BAZ2B: variants seen among roughly 807,000 people sequenced by gnomAD.
BAZ2B encodes bromodomain adjacent to zinc finger domain 2B.
A neutral mutation model predicts 246.0 loss-of-function variants in BAZ2B; 91 were observed. That is an observed-to-expected ratio of 0.37 (90% CI 0.31 to 0.44). BAZ2B has a LOEUF of 0.44. Among genes scored for constraint, BAZ2B ranks in the 20% least tolerant of loss-of-function variants. The pLI, the probability that BAZ2B is intolerant of heterozygous loss-of-function variation, is 1.00. For missense variants in BAZ2B, 2,332 were observed against 2,533.7 expected (o/e 0.92, Z 1.71); for synonymous variants, 855 against 860.0 (o/e 0.99, Z 0.10).
At chr2:159,592,861 A>G (rs540375965) in intron 1 of BAZ2B, among the ~76,000 whole-genome samples, 1 of 152,308 alleles carries the variant, frequency 6.6e-6, no homozygotes, top group African/African-American at 2.4e-5. Flanking sequence ...TCCAATAACA[A>G]ATATGTTTTA....
At chr2:159,693,514 C>T in the BAZ2B span, 11 of 151,054 alleles carry the variant, frequency 7.3e-5, no homozygotes, top group East Asian at 2.1e-3. Flanking sequence ...GTCTCCACCT[C>T]CAAGGCTCAA....
chr2:159,686,343 G>A, the BAZ2B span, among the ~76,000 whole-genome samples: 1 of 152,132 alleles, frequency 6.6e-6, no homozygotes, highest in East Asian at 1.9e-4. Flanking sequence ...CATGTTGATA[G>A]CATCTACCCT....
intron 1 of BAZ2B, among the ~76,000 whole-genome samples, chr2:159,561,736 C>T (rs1392862138): frequency 1.3e-5 from 2 of 152,122 alleles, no homozygotes; most frequent in Non-Finnish European, 2.9e-5. Flanking sequence ...AAATTATTTT[C>T]TCCATTTTTT....
Position 159,386,615 on chromosome 2 carries a change from T to C in BAZ2B, c.3217-8A>G, listed in dbSNP as rs529799666. 6.3e-7 allele frequency: 1 copy of C among 1,577,958 alleles called. No homozygotes were observed. The highest frequency in any genetic ancestry group is 8.6e-7 in the Non-Finnish European group (1 of 1,165,808). ...AGGCAACTCTGGCAAAGGCTGAAAATAAAATGAAATACAAATAAAATAAAA... is the reference window on the plus strand; with the variant it reads ...AGGCAACTCTGGCAAAGGCTGAAAACAAAATGAAATACAAATAAAATAAAA... On this transcript the variant is annotated splice_region_variant and splice_polypyrimidine_tract_variant and intron_variant, in intron 21 of 36. Transcript: ENST00000392783.
chr2:159,649,831 A>G, the BAZ2B span, among the ~76,000 whole-genome samples: 1 of 152,140 alleles, frequency 6.6e-6, no homozygotes. Context: ...ATTATGCTAT[A>G]TTTATAGTTG....
chr2:159,564,309 G>T (rs1189663553), intron 1 of BAZ2B, among the ~76,000 whole-genome samples: 1 of 152,128 alleles, frequency 6.6e-6, no homozygotes, highest in Non-Finnish European at 1.5e-5. Context: ...AGACCACAGA[G>T]GGCCTGGAAA....
At chr2:159,607,106 C>T (rs1277079583) in intron 1 of BAZ2B, among the ~76,000 whole-genome samples, 11 of 152,060 alleles carry the variant, frequency 7.2e-5, no homozygotes, top group Non-Finnish European at 1.3e-4. Flanking sequence ...CTGCCTGTCT[C>T]GGCCTCCCAA....
chr2:159,533,102 G>A (rs2085545783), intron 2 of BAZ2B, among the ~76,000 whole-genome samples: 1 of 152,110 alleles, frequency 6.6e-6, no homozygotes, highest in African/African-American at 2.4e-5. Context: ...TGGTGGGAGT[G>A]AAAGGAAAAC....
chr2:159,538,399 T>G (rs1377840438), intron 2 of BAZ2B, among the ~76,000 whole-genome samples: 1 of 152,198 alleles, frequency 6.6e-6, no homozygotes, highest in African/African-American at 2.4e-5. Flanking sequence ...TACTCTGCAT[T>G]TATTTGTAAC....
At chr2:159,691,002 A>C in the BAZ2B span, among the ~76,000 whole-genome samples, 1 of 152,082 alleles carries the variant, frequency 6.6e-6, no homozygotes, top group Non-Finnish European at 1.5e-5. Flanking sequence ...CATTATGATG[A>C]TGACTTTAAG....
At chr2:159,600,517 A>G (rs1164574442) in intron 1 of BAZ2B, among the ~76,000 whole-genome samples, 1 of 152,230 alleles carries the variant, frequency 6.6e-6, no homozygotes, top group Non-Finnish European at 1.5e-5. Flanking sequence ...ATTTTTGTGG[A>G]TATGTGAAAA....
chr2:159,472,841 G>C (rs2077984555), intron 3 of BAZ2B, among the ~76,000 whole-genome samples: 1 of 152,180 alleles, frequency 6.6e-6, no homozygotes, highest in South Asian at 2.1e-4. Flanking sequence ...AAGCTGACTT[G>C]ATCGTGGTGG....
the BAZ2B span, among the ~76,000 whole-genome samples, chr2:159,649,268 T>C: frequency 3.3e-5 from 5 of 151,890 alleles, no homozygotes. Context: ...CCTGAGCTTG[T>C]TTTCCTGCAA....
intron 10 of BAZ2B, 87 bp from the exon 11 acceptor site, chr2:159,429,347 T>C (rs1241339610): frequency 1.5e-5 from 11 of 746,524 alleles, no homozygotes; most frequent in South Asian, 6.4e-5. Flanking sequence ...TTTAAAAAAG[T>C]ATATGTTAAT....
At chr2:159,444,243 A>C (rs1181758160) in intron 6 of BAZ2B, 1 of 152,128 alleles carries the variant, frequency 6.6e-6, no homozygotes, top group East Asian at 1.9e-4. Context: ...TATGACACTG[A>C]TACCTGTGTC....
intron 1 of BAZ2B, among the ~76,000 whole-genome samples, chr2:159,609,286 A>G (rs1483789560): frequency 2.6e-5 from 4 of 152,186 alleles, no homozygotes; most frequent in African/African-American, 9.7e-5. Context: ...TCCTTATTAG[A>G]TTTCTTCTAA....
chr2:159,677,404 T>C, the BAZ2B span, among the ~76,000 whole-genome samples: 1 of 152,264 alleles, frequency 6.6e-6, no homozygotes, highest in African/African-American at 2.4e-5. Flanking sequence ...TCTAATTATA[T>C]GTAGAAGACA....
chr2:159,500,454 C>T (rs886965256), intron 2 of BAZ2B, among the ~76,000 whole-genome samples: 4 of 152,004 alleles, frequency 2.6e-5, no homozygotes, highest in African/African-American at 9.7e-5. Flanking sequence ...GGGAGCCTCC[C>T]GTGATGTTCT....
chr2:159,533,929 T>A (rs921297399), intron 2 of BAZ2B, among the ~76,000 whole-genome samples: 9 of 152,224 alleles, frequency 5.9e-5, no homozygotes, highest in South Asian at 2.1e-4. Context: ...TTACTTAACA[T>A]TTCTAACGAA....
Sources: allele counts gnomAD v4.1 joint callset (sites outside exome capture counted in the v4.1 genomes callset), GRCh38; gene constraint gnomAD v4.1.1; transcripts MANE v1.5; gene names NCBI Gene and HGNC (gene_info 2026-07-23, HGNC 2026-07-21).